The following NELL1 variants were observed in gnomAD, a reference collection of about 807,000 sequenced individuals.
NELL1 encodes the protein protein kinase C-binding protein NELL1.
Under a neutral mutation model 107.4 loss-of-function variants are expected in NELL1, and 76 were observed. The ratio of observed to expected loss-of-function variants is 0.71; its 90% CI spans 0.59 to 0.86. The LOEUF (loss-of-function observed/expected upper bound fraction) is 0.86. Ranked by LOEUF, NELL1 falls within the 40% of genes least tolerant of loss-of-function variation. NELL1 has a pLI of 0.00. For missense variants in NELL1, 1,024 were observed against 1,005.5 expected (o/e 1.02, Z -0.25); for synonymous variants, 353 against 341.2 (o/e 1.03, Z -0.38).
At chr11:21,161,944 C>CTTTTTTTTTTTTTTTTTT (rs34422649) in intron 13 of NELL1, among the ~76,000 whole-genome samples, 3 of 83,062 alleles carry the variant, frequency 3.6e-5, no homozygotes, top group African/African-American at 4.8e-5. Context: ...GGAACATAAT[C>CTTTTTTTTTTTTTTTTTT]TTTTTTTTTT....
At chr11:21,218,160 AT>A (rs1042412876) in intron 13 of NELL1, among the ~76,000 whole-genome samples, 2 of 152,054 alleles carry the variant, frequency 1.3e-5, no homozygotes, top group African/African-American at 2.4e-5. Context: ...CTAAATGTGT[AT>A]TTTTCACCTT....
chr11:20,999,021 G>C (rs1288443857), intron 12 of NELL1, among the ~76,000 whole-genome samples: 1 of 152,092 alleles, frequency 6.6e-6, no homozygotes, highest in Non-Finnish European at 1.5e-5. Flanking sequence ...TCACACATTT[G>C]GCTAAGTTCA....
chr11:21,352,500 A>G (rs1850840449), intron 14 of NELL1, among the ~76,000 whole-genome samples: 1 of 152,286 alleles, frequency 6.6e-6, no homozygotes, highest in South Asian at 2.1e-4. Context: ...TTCTGGGTCC[A>G]TGCTTTATTA....
chr11:20,993,737 A>G (rs923837044), intron 12 of NELL1, among the ~76,000 whole-genome samples: 5 of 152,194 alleles, frequency 3.3e-5, no homozygotes, highest in Admixed American at 3.3e-4. Context: ...GCATTGTTTC[A>G]GGAATAATGA....
rs867759778 is a variant in NELL1 at position 20,728,090 on chromosome 11, C to T, written c.184+50030C>T. Among the ~76,000 whole-genome samples, 3 of 151,810 alleles carry T rather than the reference C, an allele frequency of 2.0e-5. No homozygotes were observed. In the South Asian group the frequency reaches 6.2e-4, roughly 32 times the overall value. On this transcript the variant is annotated intron_variant, in intron 2 of 19. Transcript: ENST00000357134. ...AGCATTTTTTCATATGTTTGTTGGC[C>T]GTTTCTATGTATCTTTTCGAGGAGT...
At chr11:20,721,459 G>T (rs2133909396) in intron 2 of NELL1, among the ~76,000 whole-genome samples, 1 of 152,082 alleles carries the variant, frequency 6.6e-6, no homozygotes, top group Non-Finnish European at 1.5e-5. Context: ...TCATGCAACT[G>T]CTATAAGGAG....
At chr11:21,155,020 C>T (rs1206552032) in intron 13 of NELL1, among the ~76,000 whole-genome samples, 1 of 152,064 alleles carries the variant, frequency 6.6e-6, no homozygotes, top group Non-Finnish European at 1.5e-5. Context: ...AAGGTGAATG[C>T]ATTACTTCTG....
At chr11:21,218,135 G>T (rs1438014112) in intron 13 of NELL1, among the ~76,000 whole-genome samples, 1 of 152,024 alleles carries the variant, frequency 6.6e-6, no homozygotes, top group Non-Finnish European at 1.5e-5. Flanking sequence ...GCCAAACTTA[G>T]GTTATACATC....
intron 2 of NELL1, among the ~76,000 whole-genome samples, chr11:20,779,522 G>A (rs1367762053): frequency 6.6e-6 from 1 of 152,136 alleles, no homozygotes. Context: ...ATACTGTAGT[G>A]GTTGAATATG....
At chr11:20,887,042 C>G (rs1223561602) in intron 5 of NELL1, among the ~76,000 whole-genome samples, 1 of 152,060 alleles carries the variant, frequency 6.6e-6, no homozygotes, top group Non-Finnish European at 1.5e-5. Flanking sequence ...AACCACTGGT[C>G]TGTTTTCTGA....
chr11:21,182,568 C>T (rs1375026376), intron 13 of NELL1, among the ~76,000 whole-genome samples: 1 of 151,366 alleles, frequency 6.6e-6, no homozygotes, highest in Non-Finnish European at 1.5e-5. Context: ...TATTAAAGAA[C>T]TTATAATACG....
intron 12 of NELL1, among the ~76,000 whole-genome samples, chr11:20,965,603 T>C (rs1851372888): frequency 6.6e-6 from 1 of 152,222 alleles, no homozygotes; most frequent in Admixed American, 6.5e-5. Flanking sequence ...AGTGGAATTG[T>C]ATTCAAGGAA....
chr11:20,926,822 T>C (rs1167554690), intron 7 of NELL1, among the ~76,000 whole-genome samples: 1 of 152,150 alleles, frequency 6.6e-6, no homozygotes, highest in Non-Finnish European at 1.5e-5. Context: ...TGACCCCAGC[T>C]CTCCAGAATT....
intron 13 of NELL1, among the ~76,000 whole-genome samples, chr11:21,227,213 A>G (rs1857917209): frequency 6.6e-6 from 1 of 151,992 alleles, no homozygotes. Flanking sequence ...CCTCCAATGA[A>G]CTCTCAGTCT....
chr11:21,485,729 A>T (rs970409243), intron 15 of NELL1, among the ~76,000 whole-genome samples: 4 of 151,602 alleles, frequency 2.6e-5, no homozygotes, highest in African/African-American at 7.3e-5. Flanking sequence ...TAATCTGGGG[A>T]CCATCCCATT....
chr11:21,195,671 T>C (rs949578984), intron 13 of NELL1, among the ~76,000 whole-genome samples: 12 of 152,148 alleles, frequency 7.9e-5, no homozygotes, highest in African/African-American at 2.9e-4. Context: ...TAAATATTAT[T>C]AATGAGATAT....
chr11:21,265,957 T>G (rs1454439022), intron 14 of NELL1, among the ~76,000 whole-genome samples: 1 of 151,988 alleles, frequency 6.6e-6, no homozygotes, highest in African/African-American at 2.4e-5. Flanking sequence ...AATCCTTCCT[T>G]TCAGCCAAAC....
intron 14 of NELL1, among the ~76,000 whole-genome samples, chr11:21,290,750 G>A (rs1379045079): frequency 1.3e-5 from 2 of 152,210 alleles, no homozygotes; most frequent in Admixed American, 6.5e-5. Context: ...TGCTGCAGAG[G>A]GGCCTGACTG....
At chr11:21,461,927 A>G (rs1444298285) in intron 15 of NELL1, among the ~76,000 whole-genome samples, 2 of 152,142 alleles carry the variant, frequency 1.3e-5, no homozygotes, top group East Asian at 3.9e-4. Context: ...GCCAATGTGG[A>G]AGCCAGGGAA....
Sources: gnomAD v4.1 joint callset for allele counts (sites outside exome capture counted in the v4.1 genomes callset) on GRCh38, gnomAD v4.1.1 for gene constraint, MANE v1.5 for transcripts, NCBI Gene and HGNC (gene_info 2026-07-23, HGNC 2026-07-21) for gene names.